ZDHHC21: variants seen among roughly 807,000 people sequenced by gnomAD.
ZDHHC21 encodes the protein zDHHC palmitoyltransferase 21, also known as palmitoyltransferase ZDHHC21.
In ZDHHC21, 15 loss-of-function variants were observed where a neutral mutation model predicts 34.6. That is an observed-to-expected ratio of 0.43 (90% confidence interval 0.29 to 0.67). The LOEUF is 0.67. ZDHHC21 is among the 30% of genes least tolerant of loss of function. The pLI, the probability that ZDHHC21 is intolerant of heterozygous loss-of-function variation, is 0.14. For synonymous variants in ZDHHC21, 142 were observed against 101.8 expected, an observed-to-expected ratio of 1.40 and a Z score of -2.38; for missense variants, 344 against 327.7, an observed-to-expected ratio of 1.05 and a Z score of -0.38.
At chr9:14,627,291 A>C (rs1405491771) in intron 8 of ZDHHC21, among the ~76,000 whole-genome samples, 1 of 152,166 alleles carries the variant, frequency 6.6e-6, no homozygotes. Flanking sequence ...GCCAAGTTAA[A>C]ACTGTCACCC....
downstream of ZDHHC21, among the ~76,000 whole-genome samples, chr9:14,606,527 C>G (rs1296400333): frequency 6.6e-6 from 1 of 152,146 alleles, no homozygotes; most frequent in Admixed American, 6.6e-5. Flanking sequence ...CTTCCAGGAT[C>G]TTTCGGTCCT....
intron 2 of ZDHHC21, chr9:14,683,558 A>T (rs1275788142): frequency 6.6e-6 from 1 of 152,176 alleles, no homozygotes; most frequent in Non-Finnish European, 1.5e-5. Context: ...GCAATAATTA[A>T]TAGCTTACCA....
downstream of ZDHHC21, among the ~76,000 whole-genome samples, chr9:14,606,599 G>C (rs1488298639): frequency 1.3e-5 from 2 of 152,092 alleles, no homozygotes; most frequent in Non-Finnish European, 2.9e-5. Flanking sequence ...CTGAATGCCT[G>C]ACCCACAGAA....
Position 14,618,963 on chromosome 9 carries a change from T to C in ZDHHC21, c.*3A>G, listed in dbSNP as rs760554488. 6.3e-7 allele frequency: 1 copy of C among 1,593,570 alleles called. No individual in the cohort carries two copies. Among genetic ancestry groups the C allele is most frequent in the Non-Finnish European group, 8.6e-7 (1 of 1,169,528 alleles). ...GACCCATCTGTGCCCACCATCCATC[T>C]GTTTAGACATGATTGGCAAAGTGGT... On this transcript the variant is annotated 3_prime_UTR_variant, in exon 10 of 10. Transcript: ENST00000380916.
chr9:14,645,471 G>A (rs907065003), intron 7 of ZDHHC21, among the ~76,000 whole-genome samples: 1 of 152,020 alleles, frequency 6.6e-6, no homozygotes, highest in Non-Finnish European at 1.5e-5. Context: ...GTAGAAATGG[G>A]AAAGACAGAA....
chr9:14,683,200 G>A (rs1837685486), intron 2 of ZDHHC21, among the ~76,000 whole-genome samples: 1 of 152,026 alleles, frequency 6.6e-6, no homozygotes, highest in African/African-American at 2.4e-5. Flanking sequence ...CAGAACTGAA[G>A]GAGATAGAGA....
intron 8 of ZDHHC21, among the ~76,000 whole-genome samples, chr9:14,624,681 G>C (rs1292923787): frequency 6.6e-6 from 1 of 152,000 alleles, no homozygotes; most frequent in Non-Finnish European, 1.5e-5. Flanking sequence ...GAGGATGGTC[G>C]ATGGGTACAA....
chr9:14,631,657 G>GC (rs768113963), intron 8 of ZDHHC21, among the ~76,000 whole-genome samples: 57 of 152,240 alleles, frequency 3.7e-4, no homozygotes, highest in Admixed American at 1.0e-3. Context: ...TGAGAGACAT[G>GC]CAACTCTTCT....
At chr9:14,597,339 T>A in the ZDHHC21 span, among the ~76,000 whole-genome samples, 1 of 151,988 alleles carries the variant, frequency 6.6e-6, no homozygotes, top group African/African-American at 2.4e-5. Context: ...GACTCAGCAG[T>A]GTGGCTGGGT....
At chr9:14,628,789 A>G (rs972302168) in intron 8 of ZDHHC21, among the ~76,000 whole-genome samples, 12 of 152,218 alleles carry the variant, frequency 7.9e-5, no homozygotes, top group African/African-American at 2.9e-4. Flanking sequence ...TAAAGTAAGC[A>G]TCATCTATAT....
the ZDHHC21 span, among the ~76,000 whole-genome samples, chr9:14,604,289 GAAT>G: frequency 1.3e-5 from 2 of 152,068 alleles, no homozygotes; most frequent in Non-Finnish European, 2.9e-5. Context: ...TCCACTTAGT[GAAT>G]AATATATAAA....
At chr9:14,595,964 T>C in the ZDHHC21 span, among the ~76,000 whole-genome samples, 1 of 152,196 alleles carries the variant, frequency 6.6e-6, no homozygotes, top group East Asian at 1.9e-4. Context: ...GGAACACTCA[T>C]ACATTGCTGG....
chr9:14,607,812 A>G (rs1823064854), downstream of ZDHHC21, among the ~76,000 whole-genome samples: 4 of 152,296 alleles, frequency 2.6e-5, no homozygotes, highest in South Asian at 8.3e-4. Context: ...TGAATACCAA[A>G]AAGTGAGGAT....
rs143588638 is a variant in ZDHHC21 at position 14,612,843 on chromosome 9, TACACACACACACACACAC to T, written c.*6105_*6122del. 1.4e-5 allele frequency: 2 copies of T among 143,250 alleles called. No homozygotes were observed. Among genetic ancestry groups the T allele is most frequent in the Non-Finnish European group, 3.1e-5 (2 of 65,202 alleles). The allele number at this position is 143,250 out of a possible 1,614,324, so 8.9% of individuals were successfully genotyped here. A position where few individuals can be genotyped will look rare whatever the true frequency, so the allele number is the denominator to read the frequency against. On this transcript the variant is annotated 3_prime_UTR_variant, in exon 10 of 10. Transcript: ENST00000380916. ...ATTATTCTTTAAAGCCACTAAAGAT[TACACACACACACACACAC>T]ACACACACACACACACACACGCTGA...
At chr9:14,684,278 G>A (rs893486695) in intron 2 of ZDHHC21, among the ~76,000 whole-genome samples, 9 of 151,822 alleles carry the variant, frequency 5.9e-5, no homozygotes, top group Non-Finnish European at 1.3e-4. Context: ...GTTTGCAGAT[G>A]ACATGATTGT....
intron 7 of ZDHHC21, among the ~76,000 whole-genome samples, chr9:14,652,772 C>T (rs1190463064): frequency 6.6e-6 from 1 of 151,982 alleles, no homozygotes; most frequent in African/African-American, 2.4e-5. Context: ...AGTGCCATTA[C>T]ATCAATGGTC....
chr9:14,632,249 T>C (rs1394161674), intron 8 of ZDHHC21, among the ~76,000 whole-genome samples: 2 of 152,126 alleles, frequency 1.3e-5, no homozygotes, highest in Admixed American at 6.6e-5. Context: ...GATATCTCTA[T>C]GTCATAAAGA....
chr9:14,626,715 AG>A (rs1826290804), intron 8 of ZDHHC21, among the ~76,000 whole-genome samples: 2 of 152,094 alleles, frequency 1.3e-5, no homozygotes, highest in South Asian at 4.1e-4. Flanking sequence ...GCCCTTGGCA[AG>A]GGGGAACCTA....
chr9:14,692,938 A>AG (rs1310712083), intron 1 of ZDHHC21, among the ~76,000 whole-genome samples: 18 of 152,048 alleles, frequency 1.2e-4, no homozygotes, highest in Non-Finnish European at 2.9e-5. Context: ...CGTCTCGACT[A>AG]GAGCAGGAAC....
Sources: gnomAD v4.1 joint callset for allele counts (sites outside exome capture counted in the v4.1 genomes callset) on GRCh38, gnomAD v4.1.1 for gene constraint, MANE v1.5 for transcripts, NCBI Gene and HGNC (gene_info 2026-07-23, HGNC 2026-07-21) for gene names.